FGD6: variants seen among roughly 807,000 people sequenced by gnomAD.
FGD6 encodes the protein FYVE, RhoGEF and PH domain containing 6, also known as FYVE, RhoGEF and PH domain-containing protein 6.
In FGD6, 90 loss-of-function variants were observed where a neutral mutation model predicts 149.4. That is an observed-to-expected ratio of 0.60 (90% confidence interval 0.51 to 0.72). The LOEUF (loss-of-function observed/expected upper bound fraction) is 0.72. Among genes scored for constraint, FGD6 ranks in the 30% least tolerant of loss-of-function variants. FGD6 has a pLI of 0.00. For synonymous variants in FGD6, 527 were observed against 584.0 expected, an observed-to-expected ratio of 0.90 and a Z score of 1.41; for missense variants, 1,437 against 1,684.8, an observed-to-expected ratio of 0.85 and a Z score of 2.57.
At chr12:95,094,739 T>C in intron 14 of FGD6, 45 bp from the exon 15 acceptor site, 1 of 1,416,570 alleles carries the variant, frequency 7.1e-7, no homozygotes, top group Non-Finnish European at 9.9e-7. Context: ...CAGTTTTTGT[T>C]CTTTTCCTTT....
intron 14 of FGD6, among the ~76,000 whole-genome samples, chr12:95,096,337 C>T (rs1001046718): frequency 2.0e-5 from 3 of 152,128 alleles, no homozygotes; most frequent in African/African-American, 7.2e-5. Flanking sequence ...CTCCCTAATC[C>T]ATGGCTTGAG....
intron 3 of FGD6, among the ~76,000 whole-genome samples, chr12:95,160,296 AG>A (rs796624527): frequency 5.3e-5 from 8 of 152,314 alleles, no homozygotes; most frequent in African/African-American, 1.9e-4. Context: ...CATAGTTATT[AG>A]GGAAATGTAA....
intron 5 of FGD6, among the ~76,000 whole-genome samples, chr12:95,142,501 C>A (rs994375024): frequency 6.6e-6 from 1 of 152,108 alleles, no homozygotes; most frequent in African/African-American, 2.4e-5. Context: ...TGGTCTTGAA[C>A]TCCTGAGCTC....
intron 1 of FGD6, among the ~76,000 whole-genome samples, chr12:95,216,104 T>C (rs1022796284): frequency 6.6e-6 from 1 of 152,232 alleles, no homozygotes; most frequent in African/African-American, 2.4e-5. Context: ...TGCTTTCTTT[T>C]CCTATTGGCT....
At position 95,083,017 on chromosome 12, in the gene FGD6, A is replaced by ATG. The variant is rs1565890811; in HGVS notation, c.4257-1462_4257-1461insCA. Among the ~76,000 whole-genome samples the ATG allele has an allele frequency of 4.7e-4, 40 of 85,164 alleles. 1 individual carries two copies. The highest frequency in any genetic ancestry group is 1.7e-3 in the African/African-American group (36 of 21,800). The allele number at this position is 85,164 out of a possible 152,430, so 55.9% of individuals were successfully genotyped here. On this transcript the variant is annotated intron_variant, in intron 20 of 20. Coordinates refer to ENST00000343958, the MANE Select transcript of FGD6 (RefSeq NM_018351.4). ...AAAAAAAAAAAAAAAAAAAAAATAT[A>ATG]TATATATATATATACACACACATAC...
At position 95,209,510 on chromosome 12, in the gene FGD6, T is replaced by C. The variant is rs775010505; in HGVS notation, c.1774A>G (p.Ser592Gly). The change falls in exon 2 of 21, where the codon AGT becomes GGT. Residue 592 changes from serine to glycine, a missense_variant. By Grantham distance (56) the Ser-to-Gly change is moderately conservative. Transcript: ENST00000343958. The stretch of plus-strand genomic sequence containing the variant: ...TTGGTTAGGGCTGTTGAAGGCTCAC[T>C]GTTTGACGATACGGTGACAGACTTT... ...FLKSVTVSSN[S>G]EPSTALTKPR... The C allele has an allele frequency of 6.2e-7, 1 of 1,613,820 alleles. No homozygotes were observed.
Position 95,172,661 on chromosome 12 carries a change from T to C in FGD6, c.2525A>G (p.Asp842Gly). The C allele has an allele frequency of 6.2e-7, 1 of 1,613,438 alleles. No homozygotes were observed. Among genetic ancestry groups the C allele is most frequent in the Non-Finnish European group, 8.5e-7 (1 of 1,179,656 alleles). ...SDEEEIINSS[D>G]EDDVSSESSK... ...TGACTCAGAGCTGACATCATCTTCA[T>C]CAGAACTGTTGATGATTTCCTCCTC... Residue 842 changes from aspartate to glycine, a missense_variant, in exon 3 of 21, where the codon GAT becomes GGT. Asp to Gly is a moderately conservative substitution (Grantham distance 94, BLOSUM62 -1). Coordinates refer to ENST00000343958, the MANE Select transcript of FGD6 (RefSeq NM_018351.4).
At position 95,185,728 on chromosome 12, in the gene FGD6, G is replaced by A. The variant is rs563659833; in HGVS notation, c.2442-12984C>T. ...ATACAAAAATTAGCCAGGCATGGTG[G>A]TGCGCACCTGTAATCCCGGCTACTC... On this transcript the variant is annotated intron_variant, in intron 2 of 20. Coordinates refer to ENST00000343958, the MANE Select transcript of FGD6 (RefSeq NM_018351.4). 6.1e-4 allele frequency among the ~76,000 whole-genome samples: 93 copies of A among 152,248 alleles called. No homozygotes were observed. The East Asian group carries it at 8.5e-3, about 14-fold the overall frequency.
chr12:95,097,378 G>A (rs550654933), intron 14 of FGD6, among the ~76,000 whole-genome samples: 11 of 152,244 alleles, frequency 7.2e-5, no homozygotes, highest in Admixed American at 6.5e-5. Flanking sequence ...GCTCATGCCC[G>A]TAATCCCAGC....
chr12:95,119,670 C>A (rs968207222), intron 8 of FGD6, among the ~76,000 whole-genome samples: 4 of 152,224 alleles, frequency 2.6e-5, no homozygotes, highest in African/African-American at 9.6e-5. Context: ...GTGGCTTACA[C>A]CTGTAATCTC....
rs765799838 is a variant in FGD6, at chr12:95,210,073, A to G, written c.1211T>C (p.Met404Thr). 8.7e-6 allele frequency: 14 copies of G among 1,613,994 alleles called. No individual in the cohort carries two copies. The Admixed American group carries it at 2.3e-4, about 27-fold the overall frequency. The change falls in exon 2 of 21, where the codon ATG becomes ACG. Residue 404 changes from methionine to threonine, a missense_variant. Coordinates refer to ENST00000343958, the MANE Select transcript of FGD6 (RefSeq NM_018351.4). ...AQDLVNSQKA[M>T]CNETTSFEKM... ...TTCAAAGGAAGTTGTTTCATTACAC[A>G]TGGCTTTCTGTGAATTGACTAAGTC...
At position 95,175,636 on chromosome 12, in the gene FGD6, T is replaced by C. The variant is rs184470903; in HGVS notation, c.2442-2892A>G. On this transcript the variant is annotated intron_variant, in intron 2 of 20. Transcript: ENST00000343958. ...GGCATGTGCCTGTAATCCCAGCTAC[T>C]AGAGAGACTGAGGCAGAAGAATCAC... Among the ~76,000 whole-genome samples the C allele has an allele frequency of 1.9e-3, 288 of 151,846 alleles. 1 individual carries two copies. Among genetic ancestry groups the C allele is most frequent in the African/African-American group, 6.5e-3 (271 of 41,408 alleles).
At chr12:95,185,976 C>T (rs929207454) in intron 2 of FGD6, among the ~76,000 whole-genome samples, 15 of 152,206 alleles carry the variant, frequency 9.9e-5, no homozygotes, top group Middle Eastern at 3.4e-3. Context: ...TTTTAAAAAG[C>T]AGGCATGAGA....
intron 2 of FGD6, among the ~76,000 whole-genome samples, chr12:95,201,462 T>A (rs1316693151): frequency 6.6e-6 from 1 of 152,196 alleles, no homozygotes; most frequent in Admixed American, 6.5e-5. Flanking sequence ...CTAAATATGT[T>A]CTTGTGGGCG....
chr12:95,217,075 G>C (rs2056823018), intron 1 of FGD6, 150 bp downstream of exon 1: 2 of 1,202,524 alleles, frequency 1.7e-6, no homozygotes, highest in Non-Finnish European at 2.3e-6. Flanking sequence ...AGCCGGCAGC[G>C]AATCCCATTA....
intron 3 of FGD6, among the ~76,000 whole-genome samples, chr12:95,164,526 G>A (rs1002360141): frequency 6.6e-6 from 1 of 152,076 alleles, no homozygotes; most frequent in Non-Finnish European, 1.5e-5. Context: ...CACCTCCCGG[G>A]TTCAAGCAAT....
chr12:95,107,006 A>G lies in FGD6; in HGVS notation c.3365T>C (p.Val1122Ala). 1 of 1,613,696 alleles carries G rather than the reference A, an allele frequency of 6.2e-7. No homozygotes were observed. Among genetic ancestry groups the G allele is most frequent in the Non-Finnish European group, 8.5e-7 (1 of 1,179,784 alleles). The change falls in exon 13 of 21, where the codon GTG (valine) becomes GCG (alanine). Residue 1122 changes from valine (V) to alanine (A), a missense_variant. Around this residue, in one of 2 missense-constraint regions of FGD6, gnomAD observed 382 missense variants for 538.7 expected, o/e 0.71. Coordinates refer to ENST00000343958, the MANE Select transcript of FGD6 (RefSeq NM_018351.4). The stretch of plus-strand genomic sequence containing the variant: ...GTTCAGTTTATACATCCCAGACTGC[A>G]CTGGTGTTGTATACAGCAGGGCATC... ...FNDALLYTTP[V>A]QSGMYKLNNM...
At chr12:95,212,000 C>T (rs1012092862) in intron 1 of FGD6, among the ~76,000 whole-genome samples, 1 of 152,096 alleles carries the variant, frequency 6.6e-6, no homozygotes, top group Non-Finnish European at 1.5e-5. Context: ...GATCTGTCTA[C>T]CTCGATAGAT....
At chr12:95,089,481 A>G in intron 18 of FGD6, 88 bp downstream of exon 18, 1 of 1,449,998 alleles carries the variant, frequency 6.9e-7, no homozygotes, top group Non-Finnish European at 9.3e-7. Flanking sequence ...GGGAAATGAC[A>G]TCTTCCTTTA....
Sources: allele counts gnomAD v4.1 joint callset (sites outside exome capture counted in the v4.1 genomes callset), GRCh38; gene constraint gnomAD v4.1.1; regional missense constraint gnomAD v4.1.1; transcripts MANE v1.5; gene names NCBI Gene and HGNC (gene_info 2026-07-23, HGNC 2026-07-21).